The following RNF157 variants were observed in gnomAD, a reference collection of about 807,000 sequenced individuals.
RNF157 encodes the protein E3 ubiquitin ligase RNF157.
In RNF157, 55 loss-of-function variants were observed where a neutral mutation model predicts 88.3. That is an observed-to-expected ratio of 0.62 (90% confidence interval 0.50 to 0.78). The LOEUF (loss-of-function observed/expected upper bound fraction) is 0.78, where lower values mean the gene tolerates loss of function less well. RNF157 is among the 30% of genes least tolerant of loss of function. The pLI is 0.00. For synonymous variants in RNF157, 334 were observed against 341.2 expected, an observed-to-expected ratio of 0.98 and a Z score of 0.23; for missense variants, 788 against 860.8, an observed-to-expected ratio of 0.92 and a Z score of 1.06.
chr17:76,213,989 G>C (rs1568068822), intron 1 of RNF157, among the ~76,000 whole-genome samples: 2 of 152,108 alleles, frequency 1.3e-5, no homozygotes, highest in African/African-American at 2.4e-5. Flanking sequence ...TAATATCCTT[G>C]ATAATAAACT....
At chr17:76,177,080 C>T (rs1020401714) in intron 2 of RNF157, among the ~76,000 whole-genome samples, 53 of 152,052 alleles carry the variant, frequency 3.5e-4, no homozygotes, top group African/African-American at 1.3e-3. Context: ...CGTGAAGCAC[C>T]GGGGGAACAG....
intron 3 of RNF157, among the ~76,000 whole-genome samples, chr17:76,171,695 C>T (rs190473893): frequency 1.5e-3 from 232 of 152,326 alleles, no homozygotes; most frequent in African/African-American, 5.5e-3. Context: ...TTAATTTTGA[C>T]AACCACCATG....
chr17:76,223,533 A>G (rs1395683183), intron 1 of RNF157, among the ~76,000 whole-genome samples: 1 of 152,148 alleles, frequency 6.6e-6, no homozygotes, highest in African/African-American at 2.4e-5. Context: ...CTTTTCCTGT[A>G]CTGTAATAGG....
intron 3 of RNF157, among the ~76,000 whole-genome samples, chr17:76,168,743 C>T (rs768001538): frequency 2.0e-5 from 3 of 152,120 alleles, no homozygotes; most frequent in Non-Finnish European, 4.4e-5. Flanking sequence ...TCTTTCATAT[C>T]GGTGGAGCAC....
At position 76,150,831 on chromosome 17, in the gene RNF157, C is replaced by A. The variant is rs2068663174; in HGVS notation, c.1921+1524G>T. On this transcript the variant is annotated intron_variant, in intron 18 of 18. Coordinates refer to ENST00000269391, the MANE Select transcript of RNF157 (RefSeq NM_052916.3). ...CCTTGCTCACAGCCCCACGCGAGCG[C>A]CTCCCAGGTGTGTGCGTGCCCAGCA... 2.0e-5 allele frequency among the ~76,000 whole-genome samples: 3 copies of A among 152,258 alleles called. No homozygotes were observed. In the South Asian group the frequency reaches 6.2e-4, roughly 31 times the overall value.
At chr17:76,231,881 T>G (rs1329105798) in intron 1 of RNF157, among the ~76,000 whole-genome samples, 1 of 152,252 alleles carries the variant, frequency 6.6e-6, no homozygotes, top group African/African-American at 2.4e-5. Flanking sequence ...TGTTCCATCA[T>G]GCCCATTTAC....
intron 2 of RNF157, among the ~76,000 whole-genome samples, chr17:76,204,915 G>A (rs1411650796): frequency 2.6e-5 from 4 of 151,596 alleles, no homozygotes; most frequent in Non-Finnish European, 5.9e-5. Context: ...CTCCTGAGTA[G>A]CTGGGATTAC....
intron 18 of RNF157, among the ~76,000 whole-genome samples, chr17:76,151,079 C>T (rs2068667257): frequency 6.6e-6 from 1 of 152,238 alleles, no homozygotes; most frequent in Non-Finnish European, 1.5e-5. Flanking sequence ...CCAGCAGCTC[C>T]AGTCCAGGCC....
intron 13 of RNF157, 115 bp downstream of exon 13, chr17:76,158,278 G>C: frequency 4.1e-6 from 3 of 732,388 alleles, no homozygotes; most frequent in Non-Finnish European, 5.0e-6. Flanking sequence ...GCCTCAGAGG[G>C]TGCTGACAAG....
intron 1 of RNF157, among the ~76,000 whole-genome samples, chr17:76,235,228 C>T (rs1205058044): frequency 6.8e-6 from 1 of 147,082 alleles, no homozygotes; most frequent in African/African-American, 2.6e-5. Context: ...GACGGAGTCT[C>T]GCTCTGTCGC....
In RNF157 at chr17:76,178,298, T is replaced by G. The variant is rs911556751; in HGVS notation, c.208-4508A>C. Among the ~76,000 whole-genome samples the G allele has an allele frequency of 4.9e-4, 75 of 152,244 alleles. 2 individuals carry two copies. Among genetic ancestry groups the G allele is most frequent in the Non-Finnish European group, 4.4e-5 (3 of 68,030 alleles). On this transcript the variant is annotated intron_variant, in intron 2 of 18. Coordinates refer to ENST00000269391, the MANE Select transcript of RNF157 (RefSeq NM_052916.3). ...AGCTTCCGGGTGCCACCACATTCCC[T>G]GGTGCCAACCGGGAGAGCTGCTTGC...
intron 1 of RNF157, among the ~76,000 whole-genome samples, chr17:76,239,785 C>T (rs969581849): frequency 6.6e-5 from 10 of 152,162 alleles, no homozygotes; most frequent in Non-Finnish European, 1.5e-4. Flanking sequence ...GCCGGGCCGG[C>T]CGGGTCCGTG....
chr17:76,209,230 T>C (rs374622547), intron 2 of RNF157, among the ~76,000 whole-genome samples: 7 of 152,172 alleles, frequency 4.6e-5, no homozygotes, highest in East Asian at 1.9e-4. Context: ...TGTGCCCAGC[T>C]TGATCTTCTT....
chr17:76,206,459 A>G (rs2069683825), intron 2 of RNF157, among the ~76,000 whole-genome samples: 1 of 152,208 alleles, frequency 6.6e-6, no homozygotes, highest in South Asian at 2.1e-4. Flanking sequence ...ATAAGGGACC[A>G]GAGCAGAAAG....
chr17:76,236,844 T>C (rs2070290621), intron 1 of RNF157, among the ~76,000 whole-genome samples: 1 of 152,200 alleles, frequency 6.6e-6, no homozygotes, highest in African/African-American at 2.4e-5. Flanking sequence ...AGATCTCCAA[T>C]ATCTCTGAAA....
At position 76,173,934 on chromosome 17, in the gene RNF157, G is replaced by A. The variant is rs991792098; in HGVS notation, c.208-144C>T. On this transcript the variant is annotated intron_variant, in intron 2 of 18. Transcript: ENST00000269391. ...AATTAAGTGAGGAAACTGAAACTCC[G>A]ACATACTGAGTCAACCTGCTCAAGG... 1.0e-4 allele frequency: 71 copies of A among 689,666 alleles called. 1 individual carries two copies. Among genetic ancestry groups the A allele is most frequent in the Middle Eastern group, 5.7e-4 (2 of 3,518 alleles). 42.7% of individuals were successfully genotyped at this position (689,666 alleles called of 1,614,324 possible).
intron 2 of RNF157, among the ~76,000 whole-genome samples, chr17:76,181,607 A>C (rs2069188385): frequency 6.6e-6 from 1 of 152,112 alleles, no homozygotes; most frequent in East Asian, 1.9e-4. Context: ...CGACTTCTTC[A>C]CTAAATTGTT....
At chr17:76,210,724 T>C (rs917756564) in intron 2 of RNF157, among the ~76,000 whole-genome samples, 13 of 151,964 alleles carry the variant, frequency 8.6e-5, no homozygotes, top group Admixed American at 2.6e-4. Context: ...TCCAGGTCAC[T>C]CACCTACCTA....
At chr17:76,156,385 G>C in intron 13 of RNF157, 64 bp from the exon 14 acceptor site, 1 of 1,609,014 alleles carries the variant, frequency 6.2e-7, no homozygotes, top group Non-Finnish European at 8.5e-7. Flanking sequence ...GCTGGAGGAA[G>C]GGGTCAGGGC....
Sources: allele counts gnomAD v4.1 joint callset (sites outside exome capture counted in the v4.1 genomes callset), GRCh38; gene constraint gnomAD v4.1.1; transcripts MANE v1.5; gene names NCBI Gene and HGNC (gene_info 2026-07-23, HGNC 2026-07-21).